The following COX7A2L variants were observed in gnomAD, a reference collection of about 807,000 sequenced individuals.
The protein encoded by COX7A2L is cytochrome c oxidase subunit 7A2-like, mitochondrial.
In COX7A2L, 18 loss-of-function variants were observed where a neutral mutation model predicts 14.2. The ratio of observed to expected loss-of-function variants is 1.27; its 90% confidence interval spans 0.88 to 1.88. The LOEUF (loss-of-function observed/expected upper bound fraction) is 1.88. COX7A2L is among the 40% of genes most tolerant of loss of function. The probability of loss-of-function intolerance (pLI) is 0.00; values close to 1 mark genes in which losing one functional copy is unlikely to be tolerated. For missense variants in COX7A2L, 179 were observed against 138.8 expected (o/e 1.29, Z -1.46); for synonymous variants, 65 against 57.4 (o/e 1.13, Z -0.60).
intron 1 of COX7A2L, among the ~76,000 whole-genome samples, chr2:42,368,475 C>A (rs183442586): frequency 1.3e-5 from 2 of 152,316 alleles, no homozygotes; most frequent in African/African-American, 4.8e-5. Context: ...AACAACTGTT[C>A]CCTAATCATA....
rs894199803 is a variant in COX7A2L at position 42,361,179 on chromosome 2, T to G, written c.-18A>C. ...TAGTACATGACGCCCAGAGTCCGGC[T>G]TCCCGCATCCGCTGCCAACGCGACC... On this transcript the variant is annotated 5_prime_UTR_variant, in exon 1 of 3. Transcript: ENST00000234301. The G allele has an allele frequency of 1.3e-6, 2 of 1,597,668 alleles. No homozygotes were observed. Among genetic ancestry groups the G allele is most frequent in the African/African-American group, 2.7e-5 (2 of 74,688 alleles).
upstream of COX7A2L, among the ~76,000 whole-genome samples, chr2:42,364,176 G>A (rs1190738945): frequency 4.0e-5 from 6 of 150,832 alleles, no homozygotes; most frequent in Admixed American, 6.6e-5. Context: ...GCGTGAACCC[G>A]GGAGGCGGAG....
chr2:42,361,516 C>A, upstream of COX7A2L: 1 of 188,828 alleles, frequency 5.3e-6, no homozygotes, highest in Non-Finnish European at 1.1e-5. Flanking sequence ...GGACTAAGCC[C>A]GGCAGTGTCG....
chr2:42,352,973 A>G (rs904033488), intron 2 of COX7A2L: 13 of 555,570 alleles, frequency 2.3e-5, no homozygotes, highest in Non-Finnish European at 3.1e-6. Context: ...TATTCATGCC[A>G]TTTCAAAACC....
At chr2:42,363,253 G>A (rs911682665), upstream of COX7A2L, among the ~76,000 whole-genome samples, 3 of 152,154 alleles carry the variant, frequency 2.0e-5, no homozygotes, top group African/African-American at 7.2e-5. Context: ...AAAAGAAAAT[G>A]ATCCATTGAC....
chr2:42,336,742 T>A (rs1670282341), intron 2 of COX7A2L, among the ~76,000 whole-genome samples: 3 of 152,320 alleles, frequency 2.0e-5, no homozygotes, highest in East Asian at 3.9e-4. Context: ...TTACAGCAGC[T>A]CCTCTTCTAC....
upstream of COX7A2L, among the ~76,000 whole-genome samples, chr2:42,363,153 A>G (rs1671095784): frequency 6.6e-6 from 1 of 152,160 alleles, no homozygotes; most frequent in Non-Finnish European, 1.5e-5. Flanking sequence ...CTGGGATTAC[A>G]GGCATGAGCC....
chr2:42,347,774 A>T (rs1212292496), downstream of COX7A2L, among the ~76,000 whole-genome samples: 1 of 152,194 alleles, frequency 6.6e-6, no homozygotes, highest in African/African-American at 2.4e-5. Flanking sequence ...ATACAAAATT[A>T]GCCAGGTATG....
intron 2 of COX7A2L, among the ~76,000 whole-genome samples, chr2:42,335,938 G>A (rs1359140541): frequency 2.0e-5 from 3 of 152,186 alleles, no homozygotes; most frequent in Admixed American, 2.0e-4. Flanking sequence ...GAACCGCTAG[G>A]CTGGTTCACT....
upstream of COX7A2L, chr2:42,361,677 G>T (rs1164895984): frequency 1.3e-5 from 2 of 152,992 alleles, no homozygotes; most frequent in African/African-American, 4.8e-5. Flanking sequence ...GTGCTGCGGA[G>T]CCACCGTCTG....
At chr2:42,337,348 A>G (rs1166861457) in intron 2 of COX7A2L, among the ~76,000 whole-genome samples, 4 of 152,224 alleles carry the variant, frequency 2.6e-5, no homozygotes, top group Non-Finnish European at 4.4e-5. Context: ...AGCAACAGTG[A>G]AAAGCAGCCC....
chr2:42,343,439 T>C (rs1670438275), intron 2 of COX7A2L, among the ~76,000 whole-genome samples: 1 of 152,206 alleles, frequency 6.6e-6, no homozygotes, highest in African/African-American at 2.4e-5. Flanking sequence ...AGAGAATTAA[T>C]GCAACTCCTT....
chr2:42,345,863 G>C (rs1316524791), downstream of COX7A2L, among the ~76,000 whole-genome samples: 6 of 152,140 alleles, frequency 3.9e-5, no homozygotes, highest in African/African-American at 1.4e-4. Flanking sequence ...GGTGAGTAGA[G>C]GGAAGGACCC....
upstream of COX7A2L, among the ~76,000 whole-genome samples, chr2:42,365,290 C>CA (rs1671143424): frequency 6.6e-6 from 1 of 152,184 alleles, no homozygotes; most frequent in South Asian, 2.1e-4. Context: ...AAATATTTCA[C>CA]AGTGAGCATA....
chr2:42,363,412 C>T (rs141205188), upstream of COX7A2L, among the ~76,000 whole-genome samples: 12 of 152,266 alleles, frequency 7.9e-5, no homozygotes, highest in East Asian at 1.4e-3. Context: ...GAAGAAGAAA[C>T]GAAAGAATAT....
At position 42,350,462 on chromosome 2, in the gene COX7A2L, A is replaced by G. The variant is rs1184113404; in HGVS notation, c.*757T>C. The G allele has an allele frequency of 2.0e-5, 3 of 152,230 alleles. No individual in the cohort carries two copies. Among genetic ancestry groups the G allele is most frequent in the Non-Finnish European group, 2.9e-5 (2 of 68,046 alleles). The allele number at this position is 152,230 out of a possible 1,614,324, so 9.4% of individuals were successfully genotyped here. ...TTTAAGATGCTGCTGGTGTTCTGAA[A>G]TTACTCTGAAAGGTCATTCAAAGAA... On this transcript the variant is annotated 3_prime_UTR_variant, in exon 3 of 3. Coordinates refer to ENST00000234301, the MANE Select transcript of COX7A2L (RefSeq NM_004718.4).
chr2:42,352,891 G>A lies in COX7A2L; in HGVS notation c.204+321C>T. The A allele has an allele frequency of 1.6e-5, 6 of 373,416 alleles. No individual in the cohort carries two copies. The East Asian group carries it at 2.7e-4, about 17-fold the overall frequency. The allele number at this position is 373,416 out of a possible 1,614,324, so 23.1% of individuals were successfully genotyped here. Reference sequence around the variant, plus strand: ...TGTCACGAAGTCAAATATATATATTGGGTCATTCAGTTATACAGGCTACTC... The same window carrying A: ...TGTCACGAAGTCAAATATATATATTAGGTCATTCAGTTATACAGGCTACTC... On this transcript the variant is annotated intron_variant, in intron 2 of 2. Transcript: ENST00000234301.
Position 42,338,173 on chromosome 2 carries a change from G to C in COX7A2L, c.193-4304C>G, listed in dbSNP as rs1411513703. On this transcript the variant is annotated intron_variant, in intron 2 of 2. Coordinates refer to the COX7A2L transcript ENST00000468711. This position sits in a 1 kb window ranked among gnomAD's most constrained non-coding sequence, Gnocchi z 4.4. ...ATGCTCCTGGCCCACATGCAAGGCA[G>C]AGACAGCCGTTCCGTGTTTCTCCCC... is the stretch of plus-strand genomic sequence containing the variant. 2.6e-5 allele frequency among the ~76,000 whole-genome samples: 4 copies of C among 152,214 alleles called. No homozygotes were observed. Among genetic ancestry groups the C allele is most frequent in the Non-Finnish European group, 5.9e-5 (4 of 68,032 alleles).
At chr2:42,359,247 G>C (rs1277605571) in intron 1 of COX7A2L, 1 of 152,142 alleles carries the variant, frequency 6.6e-6, no homozygotes, top group Non-Finnish European at 1.5e-5. Context: ...CTCCAGCCTG[G>C]GTCAGAGCTG....
Sources: gnomAD v4.1 joint callset for allele counts (sites outside exome capture counted in the v4.1 genomes callset) on GRCh38, gnomAD v4.1.1 for gene constraint, Gnocchi (gnomAD v3.1) non-coding constraint, MANE v1.5 for transcripts, NCBI Gene and HGNC (gene_info 2026-07-23, HGNC 2026-07-21) for gene names.